Variants in ARHGAP15 observed in about 807,000 individuals in gnomAD.
ARHGAP15 encodes the protein rho GTPase-activating protein 15.
Under a neutral mutation model 63.7 loss-of-function variants are expected in ARHGAP15, and 51 were observed. The observed-to-expected ratio is 0.80, with a 90% CI of 0.64 to 1.01. The LOEUF (loss-of-function observed/expected upper bound fraction) is 1.01, where lower values mean the gene tolerates loss of function less well. Ranked by LOEUF, ARHGAP15 falls within the 50% of genes least tolerant of loss-of-function variation. The pLI, the probability that ARHGAP15 is intolerant of heterozygous loss-of-function variation, is 0.00. For missense variants in ARHGAP15, 560 were observed against 564.6 expected (o/e 0.99, Z 0.08); for synonymous variants, 191 against 193.8 (o/e 0.99, Z 0.12).
chr2:143,275,119 C>G (rs56657174), intron 6 of ARHGAP15, among the ~76,000 whole-genome samples: 31,151 of 152,078 alleles, frequency 0.2, 3,860 homozygotes, highest in African/African-American at 0.34. Flanking sequence ...GATGGCACCA[C>G]TGCACTCCAG....
At chr2:143,551,302 C>A (rs1695551428) in intron 10 of ARHGAP15, among the ~76,000 whole-genome samples, 1 of 152,076 alleles carries the variant, frequency 6.6e-6, no homozygotes, top group Non-Finnish European at 1.5e-5. Flanking sequence ...CAGGCATGCG[C>A]CACCATGCCA....
intron 6 of ARHGAP15, among the ~76,000 whole-genome samples, chr2:143,426,414 A>T (rs953364178): frequency 6.6e-6 from 1 of 152,060 alleles, no homozygotes; most frequent in African/African-American, 2.4e-5. Flanking sequence ...AGACCTACAG[A>T]AGTTGTGAGT....
At chr2:143,265,515 A>G (rs778628162) in intron 6 of ARHGAP15, among the ~76,000 whole-genome samples, 1 of 152,220 alleles carries the variant, frequency 6.6e-6, no homozygotes, top group Non-Finnish European at 1.5e-5. Context: ...ATTTGTTTCT[A>G]AAAGTTGAAA....
chr2:143,173,691 C>T (rs1690893352), intron 2 of ARHGAP15, among the ~76,000 whole-genome samples: 1 of 151,954 alleles, frequency 6.6e-6, no homozygotes, highest in Non-Finnish European at 1.5e-5. Context: ...TTACAGTTTG[C>T]CCCAGGATAA....
At chr2:143,383,990 C>T (rs1362317250) in intron 6 of ARHGAP15, among the ~76,000 whole-genome samples, 1 of 152,034 alleles carries the variant, frequency 6.6e-6, no homozygotes, top group Non-Finnish European at 1.5e-5. Context: ...TCTTCTGGGG[C>T]CACCCTGGAA....
intron 11 of ARHGAP15, among the ~76,000 whole-genome samples, chr2:143,611,346 T>C (rs1190765918): frequency 6.6e-6 from 1 of 152,210 alleles, no homozygotes; most frequent in Non-Finnish European, 1.5e-5. Context: ...GCAAAATAAT[T>C]TGTGAGATAA....
chr2:143,301,797 C>A (rs1219828952), intron 6 of ARHGAP15, among the ~76,000 whole-genome samples: 3 of 151,430 alleles, frequency 2.0e-5, no homozygotes, highest in Non-Finnish European at 4.4e-5. Context: ...CTATATACAT[C>A]CGTCTAGATA....
At chr2:143,632,146 A>G (rs1260997191) in intron 12 of ARHGAP15, among the ~76,000 whole-genome samples, 1 of 152,078 alleles carries the variant, frequency 6.6e-6, no homozygotes, top group Non-Finnish European at 1.5e-5. Flanking sequence ...TGAAGTTTCC[A>G]AAGTTGCCTT....
intron 8 of ARHGAP15, among the ~76,000 whole-genome samples, chr2:143,469,661 A>G (rs1482774879): frequency 2.6e-5 from 4 of 152,250 alleles, no homozygotes; most frequent in African/African-American, 7.2e-5. Flanking sequence ...CACTTTAGGT[A>G]TGACTTACAC....
intron 6 of ARHGAP15, among the ~76,000 whole-genome samples, chr2:143,317,443 T>A (rs1683771497): frequency 6.6e-6 from 1 of 152,130 alleles, no homozygotes; most frequent in Non-Finnish European, 1.5e-5. Context: ...ACAAAATAAA[T>A]TCTTTGGGAG....
At chr2:143,196,149 T>C in intron 2 of ARHGAP15, among the ~76,000 whole-genome samples, 1 of 152,086 alleles carries the variant, frequency 6.6e-6, no homozygotes, top group East Asian at 1.9e-4. Context: ...ATACTATCTT[T>C]TTTCATTTCG....
intron 5 of ARHGAP15, among the ~76,000 whole-genome samples, chr2:143,245,191 G>A (rs187503507): frequency 6.6e-6 from 1 of 152,274 alleles, no homozygotes; most frequent in African/African-American, 2.4e-5. Context: ...AATCACATGA[G>A]TGAGGAGAAA....
chr2:143,645,398 T>C (rs1178969520), intron 12 of ARHGAP15, among the ~76,000 whole-genome samples: 1 of 152,058 alleles, frequency 6.6e-6, no homozygotes, highest in African/African-American at 2.4e-5. Flanking sequence ...AGTGATCTTA[T>C]CTTGAAGCTT....
chr2:143,170,094 G>A (rs1286507216), intron 2 of ARHGAP15, among the ~76,000 whole-genome samples: 5 of 149,770 alleles, frequency 3.3e-5, no homozygotes, highest in African/African-American at 1.2e-4. Flanking sequence ...TCACTTTTCA[G>A]CAAATGAGCT....
intron 10 of ARHGAP15, among the ~76,000 whole-genome samples, chr2:143,521,142 G>A (rs545063967): frequency 4.6e-5 from 7 of 152,166 alleles, no homozygotes; most frequent in South Asian, 4.1e-4. Context: ...CTAAACAGGC[G>A]CTAATCACAC....
intron 8 of ARHGAP15, among the ~76,000 whole-genome samples, chr2:143,452,116 G>T (rs1469454157): frequency 6.6e-6 from 1 of 151,958 alleles, no homozygotes; most frequent in Non-Finnish European, 1.5e-5. Flanking sequence ...AATTATAGGT[G>T]CATGGCTGGA....
At chr2:143,517,850 AG>A (rs1485557597) in intron 9 of ARHGAP15, among the ~76,000 whole-genome samples, 1 of 152,228 alleles carries the variant, frequency 6.6e-6, no homozygotes, top group Non-Finnish European at 1.5e-5. Context: ...TCCCTGCAGC[AG>A]AAGAGTGCTT....
At chr2:143,486,563 T>C (rs1023376587) in intron 8 of ARHGAP15, among the ~76,000 whole-genome samples, 6 of 152,050 alleles carry the variant, frequency 3.9e-5, no homozygotes, top group African/African-American at 9.7e-5. Context: ...CAAGACTCTG[T>C]CTAAAAATAA....
chr2:143,174,373 G>A (rs1245627758), intron 2 of ARHGAP15, among the ~76,000 whole-genome samples: 2 of 152,008 alleles, frequency 1.3e-5, no homozygotes, highest in African/African-American at 2.4e-5. Context: ...CACCACCTTT[G>A]AGAGCACTGT....
Sources: gnomAD v4.1 joint callset for allele counts (sites outside exome capture counted in the v4.1 genomes callset) on GRCh38, gnomAD v4.1.1 for gene constraint, MANE v1.5 for transcripts, NCBI Gene and HGNC (gene_info 2026-07-23, HGNC 2026-07-21) for gene names.